CDH18: variants seen among roughly 807,000 people sequenced by gnomAD.
CDH18 encodes cadherin-18.
In CDH18, 31 loss-of-function variants were observed where a neutral mutation model predicts 67.9. The observed-to-expected ratio is 0.46, with a 90% CI of 0.34 to 0.62. The LOEUF is 0.62. Ranked by LOEUF, CDH18 falls within the 20% of genes least tolerant of loss-of-function variation. The probability of loss-of-function intolerance (pLI) is 0.01; values close to 1 mark genes in which losing one functional copy is unlikely to be tolerated. For missense variants in CDH18, 890 were observed against 975.5 expected (o/e 0.91, Z 1.17); for synonymous variants, 362 against 347.2 (o/e 1.04, Z -0.48).
At chr5:19,886,408 CAGAG>C (rs1245431291) in intron 2 of CDH18, 1 of 152,096 alleles carries the variant, frequency 6.6e-6, no homozygotes, top group Admixed American at 6.6e-5. Flanking sequence ...ATCAAAATCA[CAGAG>C]AGGACAGAAA....
At chr5:19,849,367 G>A (rs750276859) in intron 2 of CDH18, among the ~76,000 whole-genome samples, 10 of 151,740 alleles carry the variant, frequency 6.6e-5, no homozygotes, top group African/African-American at 9.7e-5. Context: ...AGGATCAGGA[G>A]GCTATAAATA....
intron 2 of CDH18, among the ~76,000 whole-genome samples, chr5:20,004,409 T>C (rs1235494144): frequency 6.6e-6 from 1 of 152,204 alleles, no homozygotes; most frequent in Non-Finnish European, 1.5e-5. Flanking sequence ...GCTCCTTCCA[T>C]ATACATAATT....
intron 3 of CDH18, among the ~76,000 whole-genome samples, chr5:19,816,928 G>A (rs887397646): frequency 2.0e-5 from 3 of 151,542 alleles, no homozygotes; most frequent in African/African-American, 7.2e-5. Flanking sequence ...CATGAACAAA[G>A]TTAAAAGACA....
intron 2 of CDH18, among the ~76,000 whole-genome samples, chr5:19,889,869 A>T (rs973781439): frequency 1.4e-4 from 22 of 152,326 alleles, no homozygotes; most frequent in African/African-American, 5.3e-4. Flanking sequence ...TGTTTGCTCC[A>T]GAAGAGAATT....
intron 5 of CDH18, among the ~76,000 whole-genome samples, chr5:19,719,471 T>G (rs16888249): frequency 2.0e-5 from 3 of 151,850 alleles, no homozygotes; most frequent in Non-Finnish European, 4.4e-5. Context: ...ATTGGGAAAA[T>G]AGAACAAAAT....
chr5:19,643,917 T>C (rs1340546101), intron 5 of CDH18, among the ~76,000 whole-genome samples: 1 of 152,174 alleles, frequency 6.6e-6, no homozygotes, highest in African/African-American at 2.4e-5. Flanking sequence ...TCACAATGTA[T>C]ACATACATCA....
chr5:20,409,484 A>C (rs1236477780), intron 1 of CDH18, among the ~76,000 whole-genome samples: 2 of 151,042 alleles, frequency 1.3e-5, no homozygotes, highest in East Asian at 3.9e-4. Context: ...TTTAAAAATC[A>C]TGACATACCA....
chr5:20,003,821 C>A (rs554931817), intron 2 of CDH18, among the ~76,000 whole-genome samples: 2 of 152,254 alleles, frequency 1.3e-5, no homozygotes, highest in Non-Finnish European at 2.9e-5. Flanking sequence ...TGGCGTGAGC[C>A]CGGAGGTGGA....
chr5:19,636,113 T>G (rs550770481), intron 5 of CDH18, among the ~76,000 whole-genome samples: 6 of 152,286 alleles, frequency 3.9e-5, no homozygotes, highest in African/African-American at 1.4e-4. Flanking sequence ...TTATATAGTC[T>G]AATTAAGTTA....
At chr5:19,838,690 C>T (rs902202865) in intron 3 of CDH18, 69 bp downstream of exon 3, 74 of 1,015,184 alleles carry the variant, frequency 7.3e-5, no homozygotes, top group Non-Finnish European at 1.1e-4. Flanking sequence ...AAATATTTCT[C>T]CAACATGAGC....
At chr5:19,527,644 A>G (rs3828573) in intron 9 of CDH18, among the ~76,000 whole-genome samples, 28,169 of 151,728 alleles carry the variant, frequency 0.19, 3,116 homozygotes, top group South Asian at 0.33. Context: ...AAGGTCTGTT[A>G]TTTCATAGGA....
intron 12 of CDH18, among the ~76,000 whole-genome samples, chr5:19,482,580 G>T (rs1739647881): frequency 6.6e-6 from 1 of 151,772 alleles, no homozygotes. Context: ...TTTTTATTTG[G>T]TTTTCAGATT....
chr5:20,271,254 A>G (rs1265732584), intron 1 of CDH18, among the ~76,000 whole-genome samples: 1 of 152,178 alleles, frequency 6.6e-6, no homozygotes, highest in East Asian at 1.9e-4. Flanking sequence ...AAGTTAGATC[A>G]GAAGATTGAG....
At chr5:19,802,392 G>A (rs903981976) in intron 3 of CDH18, among the ~76,000 whole-genome samples, 1 of 152,042 alleles carries the variant, frequency 6.6e-6, no homozygotes, top group Non-Finnish European at 1.5e-5. Flanking sequence ...AAACAGGTTG[G>A]TGGACACTGG....
At chr5:20,024,657 T>C (rs1362856532) in intron 2 of CDH18, among the ~76,000 whole-genome samples, 2 of 152,190 alleles carry the variant, frequency 1.3e-5, no homozygotes, top group East Asian at 1.9e-4. Flanking sequence ...TGTGTTGACA[T>C]GATAAGGGAT....
At chr5:19,885,414 T>C (rs1319714244) in intron 2 of CDH18, among the ~76,000 whole-genome samples, 4 of 152,230 alleles carry the variant, frequency 2.6e-5, no homozygotes, top group African/African-American at 4.8e-5. Flanking sequence ...AGTAAATCTG[T>C]AATGTGATTT....
At chr5:20,153,949 T>C (rs1456238741) in intron 2 of CDH18, among the ~76,000 whole-genome samples, 1 of 152,192 alleles carries the variant, frequency 6.6e-6, no homozygotes, top group African/African-American at 2.4e-5. Flanking sequence ...TCATATGATA[T>C]GTTAAATACA....
At chr5:19,687,999 C>A (rs61284332) in intron 5 of CDH18, among the ~76,000 whole-genome samples, 1 of 152,104 alleles carries the variant, frequency 6.6e-6, no homozygotes, top group African/African-American at 2.4e-5. Flanking sequence ...ATCACCGTGC[C>A]CCATCCACCA....
intron 2 of CDH18, among the ~76,000 whole-genome samples, chr5:20,103,488 G>A (rs930271019): frequency 6.6e-6 from 1 of 150,998 alleles, no homozygotes; most frequent in Non-Finnish European, 1.5e-5. Flanking sequence ...CACTTTGGGA[G>A]ACCGAGGCAG....
Sources: gnomAD v4.1 joint callset for allele counts (sites outside exome capture counted in the v4.1 genomes callset) on GRCh38, gnomAD v4.1.1 for gene constraint, MANE v1.5 for transcripts, NCBI Gene and HGNC (gene_info 2026-07-23, HGNC 2026-07-21) for gene names.